MPP7: variants seen among roughly 807,000 people sequenced by gnomAD.
The protein encoded by MPP7 is MAGUK p55 subfamily member 7.
MPP7 carries 60 observed loss-of-function variants against 76.5 expected under a neutral mutation model. The observed-to-expected ratio is 0.78, with a 90% CI of 0.64 to 0.97. The LOEUF is 0.97. Among genes scored for constraint, MPP7 ranks in the 50% least tolerant of loss-of-function variants. The pLI is 0.00. For synonymous variants in MPP7, 237 were observed against 244.5 expected (o/e 0.97, Z 0.29); for missense variants, 641 against 694.0 (o/e 0.92, Z 0.86).
intron 2 of MPP7, among the ~76,000 whole-genome samples, chr10:28,217,481 C>T (rs1333432834): frequency 1.5e-4 from 22 of 148,544 alleles, no homozygotes; most frequent in Non-Finnish European, 2.5e-4. Flanking sequence ...GAGCCGAGAT[C>T]GCACCACTGC....
chr10:28,092,496 A>G (rs976165214), intron 11 of MPP7, among the ~76,000 whole-genome samples: 7 of 152,118 alleles, frequency 4.6e-5, no homozygotes, highest in Admixed American at 2.0e-4. Flanking sequence ...GTAAAGCGCC[A>G]GAGAAAAAGT....
At chr10:28,193,920 C>T (rs1588906851) in intron 3 of MPP7, among the ~76,000 whole-genome samples, 2 of 151,464 alleles carry the variant, frequency 1.3e-5, no homozygotes, top group East Asian at 3.9e-4. Context: ...GCTGACAAGG[C>T]TATAGAGCTA....
At chr10:28,079,021 G>A (rs1852633271) in intron 12 of MPP7, among the ~76,000 whole-genome samples, 1 of 152,050 alleles carries the variant, frequency 6.6e-6, no homozygotes, top group African/African-American at 2.4e-5. Flanking sequence ...AATTTACATA[G>A]AAGAAGGTAG....
At chr10:28,083,056 T>C (rs557138754) in intron 12 of MPP7, among the ~76,000 whole-genome samples, 51 of 152,290 alleles carry the variant, frequency 3.3e-4, no homozygotes, top group African/African-American at 9.9e-4. Context: ...TTTGAATTGT[T>C]CCCGTGTCAT....
At chr10:28,064,404 A>T (rs890993938) in intron 13 of MPP7, among the ~76,000 whole-genome samples, 3 of 152,230 alleles carry the variant, frequency 2.0e-5, no homozygotes, top group African/African-American at 7.2e-5. Flanking sequence ...AATCATTCCA[A>T]ATAATCTATT....
At chr10:28,308,133 C>T (rs931342194) in intron 2 of MPP7, among the ~76,000 whole-genome samples, 6 of 151,150 alleles carry the variant, frequency 4.0e-5, no homozygotes, top group African/African-American at 1.5e-4. Context: ...CCAGGTGATC[C>T]TTGTAGGCAG....
intron 2 of MPP7, among the ~76,000 whole-genome samples, chr10:28,317,054 TG>T (rs1283359733): frequency 2.6e-5 from 4 of 152,112 alleles, no homozygotes; most frequent in African/African-American, 4.8e-5. Context: ...AGTTCTGAAG[TG>T]CCAAGAAGGT....
chr10:28,118,659 T>C (rs1168614023), intron 11 of MPP7: 2 of 985,296 alleles, frequency 2.0e-6, no homozygotes, highest in Non-Finnish European at 2.4e-6. Flanking sequence ...CAAGGGTTTT[T>C]TTCCTTGTGC....
At chr10:28,185,530 G>C (rs1230881524) in intron 3 of MPP7, among the ~76,000 whole-genome samples, 1 of 152,120 alleles carries the variant, frequency 6.6e-6, no homozygotes, top group Admixed American at 6.6e-5. Flanking sequence ...GACAGCAAAA[G>C]GTCCCAATTT....
At chr10:28,183,154 T>G (rs1333225634) in intron 3 of MPP7, among the ~76,000 whole-genome samples, 1 of 152,118 alleles carries the variant, frequency 6.6e-6, no homozygotes, top group Non-Finnish European at 1.5e-5. Flanking sequence ...TTATAAGAGT[T>G]TTAAAACAGA....
intron 5 of MPP7, among the ~76,000 whole-genome samples, chr10:28,136,379 G>A (rs1835355223): frequency 6.6e-6 from 1 of 151,780 alleles, no homozygotes; most frequent in African/African-American, 2.4e-5. Context: ...AAAATACCCA[G>A]CATCCAACAA....
intron 11 of MPP7, among the ~76,000 whole-genome samples, chr10:28,096,276 A>G (rs1468862235): frequency 6.6e-6 from 1 of 152,200 alleles, no homozygotes; most frequent in African/African-American, 2.4e-5. Flanking sequence ...CATTCCCACC[A>G]GCAGTATGTA....
At chr10:28,131,236 A>C (rs1182309447) in intron 6 of MPP7, among the ~76,000 whole-genome samples, 1 of 152,218 alleles carries the variant, frequency 6.6e-6, no homozygotes, top group Non-Finnish European at 1.5e-5. Flanking sequence ...AAATAACTTA[A>C]AGTTGCGTTC....
intron 2 of MPP7, among the ~76,000 whole-genome samples, chr10:28,235,378 C>T (rs540580050): frequency 5.9e-5 from 9 of 152,168 alleles, no homozygotes; most frequent in African/African-American, 1.9e-4. Context: ...GTACTGTCTT[C>T]GTAATTTTTC....
rs954524946 is a variant in MPP7, at chr10:28,051,470, A to G, written c.*2595T>C. 22 of 152,336 alleles carry G rather than the reference A, an allele frequency of 1.4e-4. No individual in the cohort carries two copies. Among genetic ancestry groups the G allele is most frequent in the Non-Finnish European group, 2.1e-4 (14 of 68,028 alleles). 9.4% of individuals were successfully genotyped at this position (152,336 alleles called of 1,614,324 possible). ...TTTTATGTTTGATTGACTACAGTCAATAATAGGAGTACAGAATTTACTTTT... is the reference window on the plus strand; with the variant it reads ...TTTTATGTTTGATTGACTACAGTCAGTAATAGGAGTACAGAATTTACTTTT... On this transcript the variant is annotated 3_prime_UTR_variant, in exon 17 of 17. Coordinates refer to ENST00000683449, the MANE Select transcript of MPP7 (RefSeq NM_001318170.2).
intron 2 of MPP7, among the ~76,000 whole-genome samples, chr10:28,227,480 C>G (rs983010436): frequency 1.3e-5 from 2 of 152,076 alleles, no homozygotes; most frequent in Non-Finnish European, 2.9e-5. Flanking sequence ...CCCCAACCCC[C>G]GACAGGCTCC....
At chr10:28,304,338 A>C (rs1386803926), upstream of MPP7, among the ~76,000 whole-genome samples, 1 of 152,204 alleles carries the variant, frequency 6.6e-6, no homozygotes, top group African/African-American at 2.4e-5. Context: ...ATTTGAAATT[A>C]AGCACTTCCC....
At chr10:28,214,453 C>T (rs1213106400) in intron 2 of MPP7, among the ~76,000 whole-genome samples, 6 of 152,100 alleles carry the variant, frequency 3.9e-5, no homozygotes, top group African/African-American at 7.2e-5. Context: ...TTTCAAGAGG[C>T]GTGTTTCGGA....
At chr10:28,257,772 T>C (rs1479676372) in intron 1 of MPP7, among the ~76,000 whole-genome samples, 2 of 151,598 alleles carry the variant, frequency 1.3e-5, no homozygotes, top group Non-Finnish European at 2.9e-5. Flanking sequence ...AAAAGAAAGC[T>C]TGTTTCCATG....
Sources: gnomAD v4.1 joint callset for allele counts (sites outside exome capture counted in the v4.1 genomes callset) on GRCh38, gnomAD v4.1.1 for gene constraint, MANE v1.5 for transcripts, NCBI Gene and HGNC (gene_info 2026-07-23, HGNC 2026-07-21) for gene names.